MCPH1: variants seen among roughly 807,000 people sequenced by gnomAD.
MCPH1 encodes microcephalin.
Under a neutral mutation model 84.5 loss-of-function variants are expected in MCPH1, and 104 were observed. That is an observed-to-expected ratio of 1.23 (90% CI 1.05 to 1.45). The LOEUF (loss-of-function observed/expected upper bound fraction) is 1.45. Among genes scored for constraint, MCPH1 ranks in the 40% most tolerant of loss-of-function variants. The pLI, the probability that MCPH1 is intolerant of heterozygous loss-of-function variation, is 0.00. For synonymous variants in MCPH1, 514 were observed against 366.8 expected (o/e 1.40, Z -4.58); for missense variants, 1,498 against 1,005.7 (o/e 1.49, Z -6.62).
intron 12 of MCPH1, among the ~76,000 whole-genome samples, chr8:6,571,809 T>A (rs1826680031): frequency 6.6e-6 from 1 of 152,124 alleles, no homozygotes; most frequent in South Asian, 2.1e-4. Flanking sequence ...ATTATAGAGT[T>A]ACAAGTACAA....
chr8:6,430,937 A>G (rs1223669943), intron 3 of MCPH1, among the ~76,000 whole-genome samples: 1 of 152,176 alleles, frequency 6.6e-6, no homozygotes, highest in Non-Finnish European at 1.5e-5. Context: ...AGGAATCCAG[A>G]GATACGAAGG....
chr8:6,437,931 A>G (rs1802917702), intron 5 of MCPH1, among the ~76,000 whole-genome samples: 1 of 152,194 alleles, frequency 6.6e-6, no homozygotes, highest in Non-Finnish European at 1.5e-5. Flanking sequence ...TCTGTGCTGC[A>G]GTCACAATGG....
At chr8:6,641,989 A>C (rs1797967295) in intron 13 of MCPH1, among the ~76,000 whole-genome samples, 1 of 152,162 alleles carries the variant, frequency 6.6e-6, no homozygotes, top group African/African-American at 2.4e-5. Flanking sequence ...CAACAGTTAA[A>C]TTCTGGGACA....
chr8:6,613,937 T>C (rs558219149), intron 12 of MCPH1, among the ~76,000 whole-genome samples: 8 of 152,244 alleles, frequency 5.3e-5, no homozygotes, highest in African/African-American at 1.7e-4. Context: ...TTTAATGGGA[T>C]TGAAGTGATC....
At chr8:6,543,987 T>C (rs556613739) in intron 12 of MCPH1, among the ~76,000 whole-genome samples, 1 of 152,368 alleles carries the variant, frequency 6.6e-6, no homozygotes, top group South Asian at 2.1e-4. Context: ...ATTTTAAGCA[T>C]TTTAACCTTG....
Position 6,555,462 on chromosome 8 carries a change from G to A in MCPH1, c.2214+55533G>A, listed in dbSNP as rs1271857664. 2.8e-5 allele frequency among the ~76,000 whole-genome samples: 4 copies of A among 142,348 alleles called. No homozygotes were observed. In the South Asian group the frequency reaches 8.5e-4, roughly 30 times the overall value. 93.4% of individuals were successfully genotyped at this position (142,348 alleles called of 152,430 possible). A position where few individuals can be genotyped will look rare whatever the true frequency, so the allele number is the denominator to read the frequency against. On this transcript the variant is annotated intron_variant, in intron 12 of 13. Transcript: ENST00000344683. ...TAATTTGTTTTACGGGGGGTGGTTT[G>A]CCCTTTTTTTTTTTTTGGAGACAGG...
chr8:6,533,978 C>T (rs2129572179), intron 12 of MCPH1, among the ~76,000 whole-genome samples: 1 of 152,208 alleles, frequency 6.6e-6, no homozygotes, highest in South Asian at 2.1e-4. Context: ...TAGGCTGGAA[C>T]TATAAGTTTC....
Position 6,408,513 on chromosome 8 carries a change from T to G in MCPH1, c.23-766T>G, listed in dbSNP as rs914255410. ...CTGGGATTACAGGCATGAGCTACTT[T>G]GTTCAGCCAGTAGAAGAAACTTCAT... is the stretch of plus-strand genomic sequence containing the variant. On this transcript the variant is annotated intron_variant, in intron 1 of 13. Coordinates refer to ENST00000344683, the MANE Select transcript of MCPH1 (RefSeq NM_024596.5). 5.9e-5 allele frequency among the ~76,000 whole-genome samples: 9 copies of G among 151,998 alleles called. No individual in the cohort carries two copies. The East Asian group carries it at 1.7e-3, about 29-fold the overall frequency.
rs1262698270 is a variant in MCPH1, at chr8:6,438,971, T to A, written c.455T>A (p.Leu152His). ...TTTTCAGATGATGATGTACCTATTC[T>A]CTTATTTGAATCTAATGGTTCATTA... ...KTNLDDDVPI[L>H]LFESNGSLIY... The change falls in exon 6 of 14, where the codon CTC becomes CAC. Residue 152 changes from leucine to histidine, a missense_variant. By Grantham distance (99) the Leu-to-His change is moderately conservative. Transcript: ENST00000344683. 1 of 1,612,302 alleles carries A rather than the reference T, an allele frequency of 6.2e-7. No homozygotes were observed. The highest frequency in any genetic ancestry group is 8.5e-7 in the Non-Finnish European group (1 of 1,178,904).
intron 12 of MCPH1, among the ~76,000 whole-genome samples, chr8:6,529,453 CTTTT>C (rs200029751): frequency 1.5e-5 from 2 of 136,024 alleles, no homozygotes; most frequent in Non-Finnish European, 1.6e-5. Context: ...AGCCATTTTT[CTTTT>C]TTTTTTTTTT....
Position 6,444,700 on chromosome 8 carries a change from T to A in MCPH1, c.978T>A (p.Phe326Leu), listed in dbSNP as rs185613641. The change falls in exon 8 of 14, where the codon TTT becomes TTA. Residue 326 changes from phenylalanine to leucine, a missense_variant. Physicochemically the swap from Phe to Leu is conservative, Grantham distance 22. Transcript: ENST00000344683. ...CTGCAGGTATGTCTCAGGAGACGTTTGAAGAGAAGTATCGTTTGTCTCCTA... is the reference window on the plus strand; with the variant it reads ...CTGCAGGTATGTCTCAGGAGACGTTAGAAGAGAAGTATCGTTTGTCTCCTA... ...KQAAGMSQET[F>L]EEKYRLSPTL... 1 of 1,614,138 alleles carries A rather than the reference T, an allele frequency of 6.2e-7. No individual in the cohort carries two copies. The highest frequency in any genetic ancestry group is 8.5e-7 in the Non-Finnish European group (1 of 1,180,030).
At chr8:6,412,046 G>T (rs1049106733) in intron 2 of MCPH1, among the ~76,000 whole-genome samples, 1 of 152,148 alleles carries the variant, frequency 6.6e-6, no homozygotes, top group Admixed American at 6.5e-5. Flanking sequence ...GCTGCTGTGG[G>T]TATAAAACTT....
intron 12 of MCPH1, among the ~76,000 whole-genome samples, chr8:6,611,706 C>T (rs1268007018): frequency 1.1e-4 from 16 of 152,198 alleles, no homozygotes; most frequent in Admixed American, 9.8e-4. Context: ...GCAAGCTCCG[C>T]CTCCCGGGTT....
At chr8:6,414,571 G>C (rs748765409) in intron 2 of MCPH1, among the ~76,000 whole-genome samples, 194 bp from the exon 3 acceptor site, 1 of 152,178 alleles carries the variant, frequency 6.6e-6, no homozygotes, top group Non-Finnish European at 1.5e-5. Context: ...AGAGGGAGTA[G>C]ATGTGAACTT....
intron 13 of MCPH1, among the ~76,000 whole-genome samples, chr8:6,624,061 C>G (rs993113032): frequency 1.3e-5 from 2 of 152,370 alleles, no homozygotes; most frequent in Non-Finnish European, 1.5e-5. Context: ...GTGGGTCCTG[C>G]GTCCTTGTGT....
Position 6,438,306 on chromosome 8 carries a change from A to G in MCPH1, c.437-647A>G, listed in dbSNP as rs189793764. On this transcript the variant is annotated intron_variant, in intron 5 of 13. Transcript: ENST00000344683. ...TACATTTGTATATTGTCAGAACTAC[A>G]GTAAGGGTGATTCAGGCTTAAGAGT... is the stretch of plus-strand genomic sequence containing the variant. 2.0e-4 allele frequency among the ~76,000 whole-genome samples: 31 copies of G among 152,358 alleles called. No homozygotes were observed. The East Asian group carries it at 5.6e-3, about 27-fold the overall frequency.
At chr8:6,628,584 TTA>T in intron 13 of MCPH1, among the ~76,000 whole-genome samples, 1 of 152,104 alleles carries the variant, frequency 6.6e-6, no homozygotes, top group Non-Finnish European at 1.5e-5. Flanking sequence ...AGGCAACATT[TTA>T]TGTGTATTAG....
At chr8:6,462,131 G>A (rs1416285192) in intron 9 of MCPH1, among the ~76,000 whole-genome samples, 2 of 152,012 alleles carry the variant, frequency 1.3e-5, no homozygotes, top group Non-Finnish European at 2.9e-5. Flanking sequence ...GAGATGTGAA[G>A]GAACAAATAG....
At chr8:6,406,929 C>T (rs867286824) in intron 1 of MCPH1, among the ~76,000 whole-genome samples, 28 of 117,116 alleles carry the variant, frequency 2.4e-4, no homozygotes, top group Middle Eastern at 4.8e-3. Context: ...TGCTTCGTCT[C>T]CCGTGCTCCC....
Sources: allele counts gnomAD v4.1 joint callset (sites outside exome capture counted in the v4.1 genomes callset), GRCh38; gene constraint gnomAD v4.1.1; transcripts MANE v1.5; gene names NCBI Gene and HGNC (gene_info 2026-07-23, HGNC 2026-07-21).